Variants in RGS20 observed in about 807,000 individuals in gnomAD.
The protein encoded by RGS20 is regulator of G protein signaling 20.
In RGS20, 30 loss-of-function variants were observed where a neutral mutation model predicts 33.6. The observed-to-expected ratio is 0.89, with a 90% CI of 0.67 to 1.21. The LOEUF is 1.21. Ranked by LOEUF, RGS20 falls within the 50% of genes most tolerant of loss-of-function variation. The pLI is 0.00. For missense variants in RGS20, 472 were observed against 502.4 expected (o/e 0.94, Z 0.58); for synonymous variants, 208 against 197.9 (o/e 1.05, Z -0.43).
intron 1 of RGS20, among the ~76,000 whole-genome samples, chr8:53,866,692 C>G (rs1811926540): frequency 6.6e-6 from 1 of 152,082 alleles, no homozygotes; most frequent in Non-Finnish European, 1.5e-5. Flanking sequence ...TCACATTTAC[C>G]TTTTAGAAAG....
intron 1 of RGS20, among the ~76,000 whole-genome samples, chr8:53,862,447 G>T (rs183520916): frequency 6.6e-6 from 1 of 152,254 alleles, no homozygotes; most frequent in Admixed American, 6.5e-5. Flanking sequence ...TGCAAATCCT[G>T]CTGGCTTCTA....
chr8:53,952,325 G>A (rs1047027175), intron 4 of RGS20, among the ~76,000 whole-genome samples: 1 of 146,072 alleles, frequency 6.8e-6, no homozygotes, highest in African/African-American at 2.5e-5. Context: ...CTCCAGCCTG[G>A]GCAACAGAGC....
intron 4 of RGS20, among the ~76,000 whole-genome samples, chr8:53,947,168 T>TCTATATAAGATATAGCATATTTATACACG (rs1814512315): frequency 1.4e-5 from 2 of 144,080 alleles, no homozygotes; most frequent in Admixed American, 7.1e-5. Flanking sequence ...ATTTATACAC[T>TCTATATAAGATATAGCATATTTATACACG]CTATATAAGA....
At chr8:53,927,161 A>G (rs1212707264) in intron 2 of RGS20, among the ~76,000 whole-genome samples, 1 of 147,584 alleles carries the variant, frequency 6.8e-6, no homozygotes, top group African/African-American at 2.5e-5. Context: ...AACCTGTATT[A>G]TTCCCATTTC....
At chr8:53,911,880 G>A (rs767894932) in intron 2 of RGS20, among the ~76,000 whole-genome samples, 2 of 152,182 alleles carry the variant, frequency 1.3e-5, no homozygotes, top group Non-Finnish European at 2.9e-5. Flanking sequence ...GGTGAAAGTC[G>A]CAATTAGCCG....
intron 2 of RGS20, among the ~76,000 whole-genome samples, chr8:53,921,087 T>C (rs1367487119): frequency 6.6e-6 from 1 of 152,214 alleles, no homozygotes; most frequent in Non-Finnish European, 1.5e-5. Context: ...CTATTATGAT[T>C]TTTGTCCATT....
rs571411639 is a variant in RGS20 at position 53,880,670 on chromosome 8, G to A, written c.510+1068G>A. Among the ~76,000 whole-genome samples the A allele has an allele frequency of 3.6e-3, 543 of 152,230 alleles. 5 individuals are homozygous for A. The highest frequency in any genetic ancestry group is 0.011 in the African/African-American group (456 of 41,556). On this transcript the variant is annotated intron_variant, in intron 2 of 5. Transcript: ENST00000297313. ...GGCTTCGCGGACGCCCTCTACGCGCGCCTGGCTTCGCATCCACACTCTTGG... is the reference window on the plus strand; with the variant it reads ...GGCTTCGCGGACGCCCTCTACGCGCACCTGGCTTCGCATCCACACTCTTGG...
intron 2 of RGS20, among the ~76,000 whole-genome samples, chr8:53,928,764 G>A (rs543503679): frequency 5.1e-4 from 78 of 151,702 alleles, no homozygotes; most frequent in Admixed American, 9.2e-4. Context: ...CAGAGGTTGC[G>A]GTAAGCTGAG....
chr8:53,876,390 C>T (rs974244830), intron 1 of RGS20: 2 of 152,196 alleles, frequency 1.3e-5, no homozygotes, highest in Non-Finnish European at 2.9e-5. Context: ...AGTGGTGGTT[C>T]AATCAGAATA....
At chr8:53,939,985 G>A (rs183319135) in intron 3 of RGS20, among the ~76,000 whole-genome samples, 1 of 152,124 alleles carries the variant, frequency 6.6e-6, no homozygotes, top group Non-Finnish European at 1.5e-5. Flanking sequence ...AACCTCAGGC[G>A]GTTCACGATT....
intron 1 of RGS20, among the ~76,000 whole-genome samples, chr8:53,876,899 AAG>A (rs1165620532): frequency 6.6e-6 from 1 of 152,210 alleles, no homozygotes; most frequent in Non-Finnish European, 1.5e-5. Context: ...CTTGCCTCAC[AAG>A]AGTCTCTGTC....
chr8:53,895,407 T>C (rs532853892), intron 2 of RGS20, among the ~76,000 whole-genome samples: 2 of 152,328 alleles, frequency 1.3e-5, no homozygotes, highest in East Asian at 3.9e-4. Flanking sequence ...GCTCTGATGA[T>C]GTGCAGCCTG....
At chr8:53,861,720 TAC>T (rs903378694) in intron 1 of RGS20, among the ~76,000 whole-genome samples, 1 of 152,276 alleles carries the variant, frequency 6.6e-6, no homozygotes, top group African/African-American at 2.4e-5. Flanking sequence ...CAATTAATTT[TAC>T]AGACAGTTTT....
At position 53,862,806 on chromosome 8, in the gene RGS20, A is replaced by G. The variant is rs188213919; in HGVS notation, c.165+10742A>G. On this transcript the variant is annotated intron_variant, in intron 1 of 5. Transcript: ENST00000297313. ...GGAGTGAGACCCTATCTCTAAAAAG[A>G]AAAGAAAATCTCCTCCTTTTCTAAG... is the stretch of plus-strand genomic sequence containing the variant. Among the ~76,000 whole-genome samples the G allele has an allele frequency of 1.1e-4, 16 of 152,310 alleles. No homozygotes were observed. In the East Asian group the frequency reaches 2.7e-3, roughly 26 times the overall value.
chr8:53,892,061 C>G (rs1812724354), intron 2 of RGS20, among the ~76,000 whole-genome samples: 1 of 152,078 alleles, frequency 6.6e-6, no homozygotes, highest in Non-Finnish European at 1.5e-5. Flanking sequence ...CCACAACAGT[C>G]CCCGGAGTGT....
At chr8:53,950,114 A>G (rs990412906) in intron 4 of RGS20, among the ~76,000 whole-genome samples, 5 of 152,176 alleles carry the variant, frequency 3.3e-5, no homozygotes, top group African/African-American at 1.2e-4. Context: ...TGCTAGGATT[A>G]CAAGCGTGAG....
intron 3 of RGS20, among the ~76,000 whole-genome samples, chr8:53,940,584 G>A (rs1345924716): frequency 6.6e-6 from 1 of 152,200 alleles, no homozygotes; most frequent in South Asian, 2.1e-4. Context: ...GAGGAGAGTG[G>A]AGTTGAAAAT....
At chr8:53,945,312 G>A (rs1814441399) in intron 3 of RGS20, 1 of 152,170 alleles carries the variant, frequency 6.6e-6, no homozygotes, top group South Asian at 2.1e-4. Flanking sequence ...CTACGGCATG[G>A]GCTAAGTGCA....
At chr8:53,856,173 C>T (rs1811665483) in intron 1 of RGS20, among the ~76,000 whole-genome samples, 1 of 152,028 alleles carries the variant, frequency 6.6e-6, no homozygotes, top group Non-Finnish European at 1.5e-5. Context: ...CCTGCACATA[C>T]ACTCACACAC....
Sources: gnomAD v4.1 joint callset for allele counts (sites outside exome capture counted in the v4.1 genomes callset) on GRCh38, gnomAD v4.1.1 for gene constraint, MANE v1.5 for transcripts, NCBI Gene and HGNC (gene_info 2026-07-23, HGNC 2026-07-21) for gene names.